MACROD2: variants seen among roughly 807,000 people sequenced by gnomAD.
MACROD2 encodes the protein mono-ADP ribosylhydrolase 2.
Under a neutral mutation model 70.4 loss-of-function variants are expected in MACROD2, and 36 were observed. That is an observed-to-expected ratio of 0.51 (90% CI 0.39 to 0.68). The LOEUF (loss-of-function observed/expected upper bound fraction) is 0.68, where lower values mean the gene tolerates loss of function less well. Ranked by LOEUF, MACROD2 falls within the 30% of genes least tolerant of loss-of-function variation. The probability of loss-of-function intolerance (pLI) is 0.00; values close to 1 mark genes in which losing one functional copy is unlikely to be tolerated. For missense variants in MACROD2, 496 were observed against 538.4 expected (o/e 0.92, Z 0.78); for synonymous variants, 172 against 178.8 (o/e 0.96, Z 0.30).
intron 8 of MACROD2, among the ~76,000 whole-genome samples, chr20:15,508,311 G>A (rs2047454184): frequency 6.6e-6 from 1 of 151,424 alleles, no homozygotes; most frequent in African/African-American, 2.4e-5. Context: ...TGAGTGGTTT[G>A]GGGGGTTGGG....
intron 5 of MACROD2, among the ~76,000 whole-genome samples, chr20:14,976,868 A>C (rs774644305): frequency 3.6e-4 from 55 of 152,178 alleles, no homozygotes; most frequent in Admixed American, 9.8e-4. Context: ...TGTGGCAAAT[A>C]CAATGCGGGG....
At chr20:15,611,982 A>G (rs1273811738) in intron 8 of MACROD2, among the ~76,000 whole-genome samples, 1 of 150,568 alleles carries the variant, frequency 6.6e-6, no homozygotes, top group East Asian at 2.0e-4. Context: ...CCATCCTCCT[A>G]CCACCACCCG....
At position 14,485,689 on chromosome 20, in the gene MACROD2, A is replaced by G. The variant is rs374364124; in HGVS notation, c.272-7790A>G. Among the ~76,000 whole-genome samples, 173 of 90,836 alleles carry G rather than the reference A, an allele frequency of 1.9e-3. 1 individual carries two copies. Among genetic ancestry groups the G allele is most frequent in the East Asian group, 0.015 (41 of 2,726 alleles). The allele number at this position is 90,836 out of a possible 152,430, so 59.6% of individuals were successfully genotyped here. On this transcript the variant is annotated intron_variant, in intron 3 of 17. Transcript: ENST00000684519. ...TGCACTCCAGCCTGGGCAACAGAGC[A>G]AGACTCCGTCTCAAAAAAAAAAAAA...
chr20:15,039,250 C>T (rs1568544003), intron 5 of MACROD2, among the ~76,000 whole-genome samples: 1 of 152,144 alleles, frequency 6.6e-6, no homozygotes, highest in Non-Finnish European at 1.5e-5. Context: ...GAGAACCTAG[C>T]AAAGCTTGTT....
intron 8 of MACROD2, among the ~76,000 whole-genome samples, chr20:15,783,761 T>C (rs558663400): frequency 2.4e-4 from 37 of 152,292 alleles, no homozygotes; most frequent in African/African-American, 8.9e-4. Flanking sequence ...TGTCTCCAGT[T>C]GCCTCTCTTT....
chr20:14,628,543 G>T (rs577447264), intron 4 of MACROD2: 1 of 152,344 alleles, frequency 6.6e-6, no homozygotes, highest in Admixed American at 6.5e-5. Context: ...TGTGGTGAGG[G>T]TGAAGGTAAT....
intron 4 of MACROD2, among the ~76,000 whole-genome samples, chr20:14,582,985 G>A (rs1981135573): frequency 6.6e-6 from 1 of 152,122 alleles, no homozygotes; most frequent in Non-Finnish European, 1.5e-5. Flanking sequence ...TTGTGGCTGA[G>A]TGCATGTGGT....
At chr20:15,928,044 G>A (rs768798562) in intron 10 of MACROD2, among the ~76,000 whole-genome samples, 2 of 152,182 alleles carry the variant, frequency 1.3e-5, no homozygotes, top group Non-Finnish European at 2.9e-5. Context: ...GAAAAGTGGC[G>A]AAACACAGAT....
chr20:15,395,280 G>T (rs1253879657), intron 6 of MACROD2, among the ~76,000 whole-genome samples: 1 of 152,176 alleles, frequency 6.6e-6, no homozygotes, highest in East Asian at 1.9e-4. Flanking sequence ...AAATGCATTT[G>T]AATGTGGTCC....
chr20:14,102,620 T>TTTTG (rs1377106546), intron 3 of MACROD2, among the ~76,000 whole-genome samples: 3 of 152,214 alleles, frequency 2.0e-5, no homozygotes, highest in Admixed American at 2.0e-4. Context: ...CATTCACTTC[T>TTTTG]TTTGTTTTCC....
At chr20:15,610,819 G>A (rs2048956607) in intron 8 of MACROD2, among the ~76,000 whole-genome samples, 1 of 152,048 alleles carries the variant, frequency 6.6e-6, no homozygotes, top group Admixed American at 6.6e-5. Flanking sequence ...GTTGGCAGTG[G>A]AAAACCACTG....
At chr20:14,056,829 C>CT (rs11355926) in intron 2 of MACROD2, among the ~76,000 whole-genome samples, 42 of 146,590 alleles carry the variant, frequency 2.9e-4, no homozygotes, top group Middle Eastern at 6.9e-3. Context: ...ATTCAGATCT[C>CT]TTTTTTTTTT....
intron 5 of MACROD2, among the ~76,000 whole-genome samples, chr20:15,007,677 A>G (rs1435167605): frequency 9.2e-5 from 14 of 152,246 alleles, no homozygotes; most frequent in Non-Finnish European, 1.9e-4. Context: ...CTGGCCTGCC[A>G]GGAATGACTC....
intron 6 of MACROD2, among the ~76,000 whole-genome samples, chr20:15,429,697 G>C (rs183673550): frequency 6.6e-6 from 1 of 152,144 alleles, no homozygotes; most frequent in African/African-American, 2.4e-5. Flanking sequence ...GTCCATAGCA[G>C]CTGCAGTTTT....
intron 5 of MACROD2, among the ~76,000 whole-genome samples, chr20:14,697,351 A>G (rs572269491): frequency 2.6e-5 from 4 of 152,350 alleles, no homozygotes; most frequent in East Asian, 3.9e-4. Flanking sequence ...AAATGGTCAG[A>G]GCTTTGTACA....
intron 3 of MACROD2, among the ~76,000 whole-genome samples, chr20:14,117,646 TAAG>T (rs2148689631): frequency 6.6e-6 from 1 of 152,332 alleles, no homozygotes; most frequent in South Asian, 2.1e-4. Flanking sequence ...ATGTGTAGGC[TAAG>T]GAGTTCTCAC....
intron 5 of MACROD2, among the ~76,000 whole-genome samples, chr20:14,896,823 T>C (rs969440139): frequency 4.0e-5 from 6 of 151,556 alleles, no homozygotes; most frequent in African/African-American, 1.5e-4. Flanking sequence ...CATACTCTAG[T>C]CCAGTATAAA....
At chr20:15,942,179 T>C (rs2065759681) in intron 12 of MACROD2, among the ~76,000 whole-genome samples, 1 of 152,132 alleles carries the variant, frequency 6.6e-6, no homozygotes, top group Non-Finnish European at 1.5e-5. Context: ...CCCATGTACT[T>C]GCTAACTGTG....
intron 3 of MACROD2, among the ~76,000 whole-genome samples, chr20:14,402,323 T>C (rs886468795): frequency 2.6e-5 from 4 of 152,230 alleles, no homozygotes; most frequent in African/African-American, 9.6e-5. Context: ...TGGAATAAAA[T>C]GTACCCAAGA....
Sources: allele counts gnomAD v4.1 joint callset (sites outside exome capture counted in the v4.1 genomes callset), GRCh38; gene constraint gnomAD v4.1.1; transcripts MANE v1.5; gene names NCBI Gene and HGNC (gene_info 2026-07-23, HGNC 2026-07-21).